The following NPAT variants were observed in gnomAD, a reference collection of about 807,000 sequenced individuals.
NPAT encodes the protein nuclear protein, coactivator of histone transcription.
Under a neutral mutation model 130.7 loss-of-function variants are expected in NPAT, and 52 were observed. The ratio of observed to expected loss-of-function variants is 0.40; its 90% CI spans 0.32 to 0.50. The LOEUF is 0.50. Ranked by LOEUF, NPAT falls within the 20% of genes least tolerant of loss-of-function variation. The pLI is 0.68. For missense variants in NPAT, 1,687 were observed against 1,662.6 expected, an observed-to-expected ratio of 1.01 and a Z score of -0.26; for synonymous variants, 580 against 584.8, an observed-to-expected ratio of 0.99 and a Z score of 0.12.
chr11:108,177,799 C>A (rs573366101), intron 10 of NPAT, among the ~76,000 whole-genome samples: 3 of 152,238 alleles, frequency 2.0e-5, no homozygotes, highest in Admixed American at 1.3e-4. Context: ...CAGTTCACTG[C>A]AGCCTTGACC....
intron 1 of NPAT, among the ~76,000 whole-genome samples, chr11:108,214,295 C>T (rs930521555): frequency 1.3e-5 from 2 of 152,100 alleles, no homozygotes; most frequent in East Asian, 1.9e-4. Flanking sequence ...AGTACTAATA[C>T]CTGCTACAAC....
intron 1 of NPAT, among the ~76,000 whole-genome samples, chr11:108,202,014 T>C (rs572344533): frequency 1.3e-5 from 2 of 152,248 alleles, no homozygotes; most frequent in East Asian, 3.9e-4. Context: ...TAAATGATAT[T>C]ATTGATAGCA....
chr11:108,205,119 C>T (rs546396263), intron 1 of NPAT, among the ~76,000 whole-genome samples: 15 of 152,274 alleles, frequency 9.9e-5, no homozygotes, highest in South Asian at 8.3e-4. Flanking sequence ...CAACTCATCA[C>T]ATACAAGGGT....
At chr11:108,181,072 A>T (rs193220267) in intron 10 of NPAT, among the ~76,000 whole-genome samples, 1 of 152,198 alleles carries the variant, frequency 6.6e-6, no homozygotes, top group South Asian at 2.1e-4. Flanking sequence ...AGCTTTACAG[A>T]TCAAATTGTG....
At chr11:108,188,022 G>T in intron 7 of NPAT, 76 bp downstream of exon 7, 8 of 990,434 alleles carry the variant, frequency 8.1e-6, no homozygotes, top group South Asian at 1.3e-5. Flanking sequence ...TATTCACAAT[G>T]TAAGTATCCT....
intron 1 of NPAT, among the ~76,000 whole-genome samples, chr11:108,218,180 G>A (rs1443533268): frequency 6.6e-6 from 1 of 152,094 alleles, no homozygotes; most frequent in Non-Finnish European, 1.5e-5. Flanking sequence ...CCCCGAATAG[G>A]TAAGAAAGTA....
At chr11:108,208,199 G>T (rs967549406) in intron 1 of NPAT, among the ~76,000 whole-genome samples, 1 of 152,116 alleles carries the variant, frequency 6.6e-6, no homozygotes, top group African/African-American at 2.4e-5. Flanking sequence ...AACAGTTTTG[G>T]TTTTGGAGCA....
chr11:108,201,703 C>T (rs1403157710), intron 1 of NPAT, among the ~76,000 whole-genome samples: 1 of 152,232 alleles, frequency 6.6e-6, no homozygotes, highest in Non-Finnish European at 1.5e-5. Flanking sequence ...CATAATGTGG[C>T]AGGACTGCTG....
At chr11:108,172,048 T>C in intron 13 of NPAT, 151 bp downstream of exon 13, 1 of 687,478 alleles carries the variant, frequency 1.5e-6, no homozygotes, top group Non-Finnish European at 2.6e-6. Context: ...TTGAATTAGC[T>C]AGCATAAAGA....
intron 1 of NPAT, among the ~76,000 whole-genome samples, chr11:108,212,423 G>A (rs937184686): frequency 1.3e-5 from 2 of 151,720 alleles, no homozygotes; most frequent in African/African-American, 4.8e-5. Context: ...TACTCAGGAG[G>A]CAGAGGCAGG....
chr11:108,177,237 C>A (rs1026863242), intron 10 of NPAT, 147 bp from the exon 11 acceptor site: 4 of 354,564 alleles, frequency 1.1e-5, no homozygotes, highest in African/African-American at 6.5e-5. Context: ...TCACTATAAC[C>A]TGAAATTCCT....
Position 108,169,019 on chromosome 11 carries a change from G to GA in NPAT, c.3010+724dup, listed in dbSNP as rs1369176416. On this transcript the variant is annotated intron_variant, in intron 15 of 17. Coordinates refer to ENST00000278612, the MANE Select transcript of NPAT (RefSeq NM_002519.3). ...AACATATTCAGATTTGTATTTTAGG[G>GA]AAAAAAAGTCACTCAGCCAGCAGAT... is the stretch of plus-strand genomic sequence containing the variant. Among the ~76,000 whole-genome samples the GA allele has an allele frequency of 3.3e-5, 5 of 152,052 alleles. No individual in the cohort carries two copies. The East Asian group carries it at 9.6e-4, about 29-fold the overall frequency.
At chr11:108,205,888 C>T (rs2078320681) in intron 1 of NPAT, among the ~76,000 whole-genome samples, 2 of 151,838 alleles carry the variant, frequency 1.3e-5, no homozygotes, top group South Asian at 2.1e-4. Flanking sequence ...ACTAAAAATA[C>T]AAAAAAATTA....
rs1481251194 is a variant in NPAT at position 108,172,223 on chromosome 11, C to T, written c.2761G>A (p.Ala921Thr). Reference protein sequence around the residue: ...RSNSVFAVNQAVSPNFSQGSA... With the variant: ...RSNSVFAVNQTVSPNFSQGSA... ...CCTTGTGAAAAGTTTGGTGACACAG[C>T]TTGGTTGACAGCAAATACACTGTTT... Residue 921 changes from alanine to threonine, a missense_variant, in exon 13 of 18, where the codon GCT becomes ACT. Coordinates refer to ENST00000278612, the MANE Select transcript of NPAT (RefSeq NM_002519.3). 3 of 1,614,004 alleles carry T rather than the reference C, an allele frequency of 1.9e-6. No individual in the cohort carries two copies. The highest frequency in any genetic ancestry group is 2.5e-6 in the Non-Finnish European group (3 of 1,179,900).
intron 8 of NPAT, among the ~76,000 whole-genome samples, chr11:108,185,753 T>C (rs540283176): frequency 2.0e-5 from 3 of 152,334 alleles, no homozygotes; most frequent in African/African-American, 4.8e-5. Context: ...GCCCTATTTT[T>C]ACAGTGTCGC....
chr11:108,203,902 A>T (rs1269149396), intron 1 of NPAT, among the ~76,000 whole-genome samples: 1 of 152,160 alleles, frequency 6.6e-6, no homozygotes, highest in African/African-American at 2.4e-5. Flanking sequence ...TAATACACAT[A>T]TTTGGTCCAT....
intron 1 of NPAT, among the ~76,000 whole-genome samples, chr11:108,200,513 G>C (rs2078265308): frequency 6.6e-6 from 1 of 152,056 alleles, no homozygotes; most frequent in South Asian, 2.1e-4. Flanking sequence ...AATTAACCCA[G>C]AAGTCTGGGC....
chr11:108,176,125 T>C (rs2078003301), intron 12 of NPAT, 121 bp downstream of exon 12: 1 of 742,730 alleles, frequency 1.3e-6, no homozygotes, highest in Non-Finnish European at 2.2e-6. Context: ...GAGAGAAAAA[T>C]ACAAAAATGA....
At chr11:108,185,364 G>C (rs139107735) in intron 9 of NPAT, 39 bp downstream of exon 9, 9 of 1,576,910 alleles carry the variant, frequency 5.7e-6, no homozygotes, top group Non-Finnish European at 7.0e-6. Context: ...TATGCAATTA[G>C]GCAAAAACAA....
Sources: gnomAD v4.1 joint callset for allele counts (sites outside exome capture counted in the v4.1 genomes callset) on GRCh38, gnomAD v4.1.1 for gene constraint, MANE v1.5 for transcripts, NCBI Gene and HGNC (gene_info 2026-07-23, HGNC 2026-07-21) for gene names.